The following XKR6 variants were observed in gnomAD, a reference collection of about 807,000 sequenced individuals.
XKR6 encodes the protein XK-related protein 6.
Under a neutral mutation model 56.7 loss-of-function variants are expected in XKR6, and 22 were observed. The observed-to-expected ratio is 0.39, with a 90% CI of 0.28 to 0.55. The LOEUF (loss-of-function observed/expected upper bound fraction) is 0.55. Among genes scored for constraint, XKR6 ranks in the 20% least tolerant of loss-of-function variants. The probability of loss-of-function intolerance (pLI) is 0.66; values close to 1 mark genes in which losing one functional copy is unlikely to be tolerated. For synonymous variants in XKR6, 524 were observed against 387.8 expected, an observed-to-expected ratio of 1.35 and a Z score of -4.13; for missense variants, 852 against 889.0, an observed-to-expected ratio of 0.96 and a Z score of 0.53.
intron 1 of XKR6, among the ~76,000 whole-genome samples, chr8:10,939,440 G>T (rs1048981244): frequency 6.6e-6 from 1 of 152,322 alleles, no homozygotes; most frequent in East Asian, 1.9e-4. Flanking sequence ...AGGGACAGCT[G>T]CTCCCACAGT....
At chr8:11,109,485 C>T (rs1264261173) in intron 1 of XKR6, 4 of 152,226 alleles carry the variant, frequency 2.6e-5, no homozygotes, top group African/African-American at 9.7e-5. Flanking sequence ...ACCCTTAAGA[C>T]ACTGCAGCCT....
At chr8:11,046,825 T>A (rs1186957793) in intron 1 of XKR6, among the ~76,000 whole-genome samples, 1 of 152,180 alleles carries the variant, frequency 6.6e-6, no homozygotes, top group Non-Finnish European at 1.5e-5. Context: ...TAAAAGATAT[T>A]TAAATCCTGT....
intron 1 of XKR6, among the ~76,000 whole-genome samples, chr8:10,962,268 A>G (rs910874117): frequency 6.6e-6 from 1 of 152,204 alleles, no homozygotes; most frequent in Non-Finnish European, 1.5e-5. Flanking sequence ...AGGTGCTATC[A>G]AGTCACATAG....
chr8:11,059,381 C>G (rs974030180), intron 1 of XKR6, among the ~76,000 whole-genome samples: 1 of 152,228 alleles, frequency 6.6e-6, no homozygotes, highest in Non-Finnish European at 1.5e-5. Context: ...CAGCCCCCAG[C>G]GAACTGGAGC....
In XKR6 at chr8:11,038,410, G is replaced by T. The variant is rs79475125; in HGVS notation, c.765-113580C>A. Among the ~76,000 whole-genome samples, 1,141 of 151,984 alleles carry T rather than the reference G, an allele frequency of 7.5e-3. 10 individuals carry two copies. The highest frequency in any genetic ancestry group is 0.026 in the African/African-American group (1,074 of 41,454). On this transcript the variant is annotated intron_variant, in intron 1 of 2. Coordinates refer to ENST00000416569, the MANE Select transcript of XKR6 (RefSeq NM_173683.4). ...TAAGTATAATTAAATCAGAGAGCAG[G>T]GACACATTGTGTGGAGAGGCACGAA...
chr8:11,085,717 C>G (rs1797863604), intron 1 of XKR6, among the ~76,000 whole-genome samples: 1 of 152,132 alleles, frequency 6.6e-6, no homozygotes, highest in African/African-American at 2.4e-5. Context: ...ACAGGCCTCT[C>G]CTCTGAAGAG....
intron 1 of XKR6, among the ~76,000 whole-genome samples, chr8:10,928,817 C>A (rs544276349): frequency 7.2e-4 from 110 of 152,316 alleles, no homozygotes; most frequent in Admixed American, 2.0e-3. Flanking sequence ...GAAAGCTTAC[C>A]GCACCGTTCT....
intron 1 of XKR6, among the ~76,000 whole-genome samples, chr8:11,077,978 G>A (rs1205957999): frequency 6.6e-6 from 1 of 152,118 alleles, no homozygotes; most frequent in Non-Finnish European, 1.5e-5. Context: ...GTTCTGGGTG[G>A]GCAGACCTGA....
At chr8:10,981,244 AG>A (rs1355285540) in intron 1 of XKR6, among the ~76,000 whole-genome samples, 6 of 152,156 alleles carry the variant, frequency 3.9e-5, no homozygotes, top group Non-Finnish European at 8.8e-5. Flanking sequence ...AGAGCATACG[AG>A]GGGGTAAATA....
At chr8:11,105,797 C>T (rs1260364630) in intron 1 of XKR6, 1 of 152,234 alleles carries the variant, frequency 6.6e-6, no homozygotes, top group African/African-American at 2.4e-5. Flanking sequence ...GCCAAAAGAT[C>T]AGCAACTCTC....
At chr8:10,911,659 A>T (rs1800373189) in intron 2 of XKR6, among the ~76,000 whole-genome samples, 2 of 147,474 alleles carry the variant, frequency 1.4e-5, no homozygotes, top group African/African-American at 5.0e-5. Flanking sequence ...GAATATATAT[A>T]TATCTATAAA....
chr8:11,112,679 T>A (rs180998362), intron 1 of XKR6, among the ~76,000 whole-genome samples: 41 of 152,298 alleles, frequency 2.7e-4, no homozygotes, highest in Non-Finnish European at 2.4e-4. Flanking sequence ...GCACACTGGT[T>A]TTTCTTTAAG....
chr8:11,038,999 G>A (rs1799217452), intron 1 of XKR6, among the ~76,000 whole-genome samples: 1 of 152,176 alleles, frequency 6.6e-6, no homozygotes, highest in Admixed American at 6.5e-5. Context: ...ACCCCCAGCT[G>A]CAGGGCGGGT....
chr8:11,091,551 G>C (rs1586532654), intron 1 of XKR6, among the ~76,000 whole-genome samples: 2 of 152,188 alleles, frequency 1.3e-5, no homozygotes, highest in East Asian at 3.9e-4. Context: ...AGGACAAAGA[G>C]AAGGCTGTGT....
At chr8:10,980,438 G>C (rs942793411) in intron 1 of XKR6, among the ~76,000 whole-genome samples, 2 of 152,198 alleles carry the variant, frequency 1.3e-5, no homozygotes, top group African/African-American at 4.8e-5. Flanking sequence ...AGTAGGAAAG[G>C]CCACTCAGGA....
At chr8:11,078,435 T>C (rs1012822139) in intron 1 of XKR6, among the ~76,000 whole-genome samples, 4 of 152,192 alleles carry the variant, frequency 2.6e-5, no homozygotes. Flanking sequence ...CCGTCTGCCA[T>C]TCTGCCTGTG....
intron 1 of XKR6, among the ~76,000 whole-genome samples, chr8:11,184,384 CACAT>C (rs1164200649): frequency 3.9e-4 from 43 of 110,172 alleles, no homozygotes; most frequent in Admixed American, 1.6e-3. Flanking sequence ...TATATATACA[CACAT>C]ACACACACAC....
At chr8:11,148,739 T>C (rs1801119212) in intron 1 of XKR6, among the ~76,000 whole-genome samples, 1 of 152,242 alleles carries the variant, frequency 6.6e-6, no homozygotes, top group African/African-American at 2.4e-5. Flanking sequence ...GTTCACATCA[T>C]GTTTATTTGT....
At chr8:10,906,418 G>T (rs754377007) in intron 2 of XKR6, among the ~76,000 whole-genome samples, 1 of 152,224 alleles carries the variant, frequency 6.6e-6, no homozygotes, top group African/African-American at 2.4e-5. Flanking sequence ...GTCTTCACAT[G>T]CAGGGCACTA....
Sources: allele counts gnomAD v4.1 joint callset (sites outside exome capture counted in the v4.1 genomes callset), GRCh38; gene constraint gnomAD v4.1.1; transcripts MANE v1.5; gene names NCBI Gene and HGNC (gene_info 2026-07-23, HGNC 2026-07-21).